The following PPP1R12A variants were observed in gnomAD, a reference collection of about 807,000 sequenced individuals.
PPP1R12A encodes the protein protein phosphatase 1 regulatory subunit 12A.
A neutral mutation model predicts 139.6 loss-of-function variants in PPP1R12A; 19 were observed. The ratio of observed to expected loss-of-function variants is 0.14; its 90% CI spans 0.09 to 0.20. The LOEUF (loss-of-function observed/expected upper bound fraction) is 0.20, where lower values mean the gene tolerates loss of function less well. Ranked by LOEUF, PPP1R12A falls within the 10% of genes least tolerant of loss-of-function variation. The pLI is 1.00. For synonymous variants in PPP1R12A, 427 were observed against 420.6 expected (o/e 1.02, Z -0.19); for missense variants, 925 against 1,211.5 (o/e 0.76, Z 3.51).
rs1016905524 is a variant in PPP1R12A at position 79,773,706 on chromosome 12, T to A, written c.*2223A>T. 2.0e-5 allele frequency: 3 copies of A among 152,194 alleles called. No homozygotes were observed. The highest frequency in any genetic ancestry group is 7.2e-5 in the African/African-American group (3 of 41,444). The allele number at this position is 152,194 out of a possible 1,614,324, so 9.4% of individuals were successfully genotyped here. A position where few individuals can be genotyped will look rare whatever the true frequency, so the allele number is the denominator to read the frequency against. ...GTGCAAATTATCACAATATTACAATTTCAGAAATTATTCAAATTGGTATCC... is the reference window on the plus strand; with the variant it reads ...GTGCAAATTATCACAATATTACAATATCAGAAATTATTCAAATTGGTATCC... On this transcript the variant is annotated 3_prime_UTR_variant, in exon 25 of 25. Coordinates refer to ENST00000450142, the MANE Select transcript of PPP1R12A (RefSeq NM_002480.3).
intron 3 of PPP1R12A, among the ~76,000 whole-genome samples, chr12:79,835,280 G>A (rs1877933398): frequency 6.6e-6 from 1 of 152,120 alleles, no homozygotes; most frequent in Non-Finnish European, 1.5e-5. Context: ...AGCTTCTAGG[G>A]CTTTGAACTT....
chr12:79,809,900 A>G lies in PPP1R12A; in HGVS notation c.1350T>C (p.Ala450=). ...GACCCTCTTTAGATGCTGTGATTTC[A>G]GCAAGTGCACCATAGCTGCCCGTCT... ...LRKTGSYGAL[A]EITASKEGQK... The change falls in exon 10 of 25, where the codon GCT becomes GCC. Residue 450 remains alanine (A), a synonymous_variant. Transcript: ENST00000450142. The G allele has an allele frequency of 6.2e-7, 1 of 1,613,606 alleles. No homozygotes were observed. The highest frequency in any genetic ancestry group is 1.1e-5 in the South Asian group (1 of 91,054).
At position 79,934,797 on chromosome 12, in the gene PPP1R12A, C is replaced by T; in HGVS notation, c.135G>A (p.Leu45=). 1 of 1,578,418 alleles carries T rather than the reference C, an allele frequency of 6.3e-7. No individual in the cohort carries two copies. Among genetic ancestry groups the T allele is most frequent in the Non-Finnish European group, 8.6e-7 (1 of 1,162,184 alleles). The change falls in exon 1 of 25, where the codon CTG becomes CTA. Residue 45 remains leucine, a synonymous_variant. Coordinates refer to ENST00000450142, the MANE Select transcript of PPP1R12A (RefSeq NM_002480.3). ...KVKFDDGAVF[L]AACSSGDTDE... ...CCGTGTCGCCGCTGGAGCAAGCAGCCAGGAAGACGGCGCCATCGTCGAACT... is the reference window on the plus strand; with the variant it reads ...CCGTGTCGCCGCTGGAGCAAGCAGCTAGGAAGACGGCGCCATCGTCGAACT...
At chr12:79,816,878 T>C (rs943794673) in intron 9 of PPP1R12A, among the ~76,000 whole-genome samples, 4 of 152,172 alleles carry the variant, frequency 2.6e-5, no homozygotes, top group Non-Finnish European at 4.4e-5. Context: ...TCAGAGATCA[T>C]GCTCCTACTG....
chr12:79,864,441 AG>A (rs1184004828), intron 2 of PPP1R12A, among the ~76,000 whole-genome samples: 1 of 152,238 alleles, frequency 6.6e-6, no homozygotes, highest in Non-Finnish European at 1.5e-5. Context: ...TAGAGAAACA[AG>A]AGCAAACAAA....
chr12:79,921,894 T>C (rs902776372), intron 1 of PPP1R12A, among the ~76,000 whole-genome samples: 7 of 152,230 alleles, frequency 4.6e-5, no homozygotes, highest in African/African-American at 1.7e-4. Context: ...ATTGCTTCTC[T>C]GAGTGAAATA....
At chr12:79,797,532 A>G in intron 15 of PPP1R12A, 137 bp from the exon 16 acceptor site, 1 of 753,824 alleles carries the variant, frequency 1.3e-6, no homozygotes, top group Non-Finnish European at 2.1e-6. Flanking sequence ...GCAAATGGAA[A>G]CAGCAAGTTA....
chr12:79,784,293 T>C (rs558672447), intron 22 of PPP1R12A, among the ~76,000 whole-genome samples: 15 of 152,324 alleles, frequency 9.8e-5, no homozygotes, highest in Admixed American at 5.2e-4. Context: ...TAACTCAGCA[T>C]ACTGGATGCG....
chr12:79,875,624 C>T (rs1042133930), intron 1 of PPP1R12A, among the ~76,000 whole-genome samples: 18 of 151,992 alleles, frequency 1.2e-4, no homozygotes, highest in Admixed American at 1.3e-4. Context: ...AATTTACACA[C>T]TGTCATCTTT....
intron 10 of PPP1R12A, among the ~76,000 whole-genome samples, chr12:79,809,057 T>C (rs2137067737): frequency 6.6e-6 from 1 of 151,978 alleles, no homozygotes; most frequent in South Asian, 2.1e-4. Flanking sequence ...TGGCTAAGAG[T>C]GTGTAGTGAC....
chr12:79,863,454 T>C (rs577980099), intron 2 of PPP1R12A, among the ~76,000 whole-genome samples: 1 of 152,156 alleles, frequency 6.6e-6, no homozygotes, highest in South Asian at 2.1e-4. Flanking sequence ...CAGGATCGAA[T>C]TCACACCTAA....
At chr12:79,793,027 T>A (rs1367836013) in intron 19 of PPP1R12A, among the ~76,000 whole-genome samples, 1 of 152,278 alleles carries the variant, frequency 6.6e-6, no homozygotes, top group East Asian at 1.9e-4. Context: ...TTACTGTAGA[T>A]CCTTGCTGAC....
Position 79,781,837 on chromosome 12 carries a change from G to A in PPP1R12A, c.2933C>T (p.Ser978Leu). The A allele has an allele frequency of 6.5e-7, 1 of 1,542,656 alleles. No homozygotes were observed. ...TACCCTTTTTTCCATTTCCAACAGT[G>A]ATCTATCAGCAAATCTTTCTTGTCT... Reference protein sequence around the residue: ...TQRQERFADRSLLEMEKRERR... With the variant: ...TQRQERFADRLLLEMEKRERR... Residue 978 changes from serine to leucine, a missense_variant, in exon 23 of 25, where the codon TCA (serine) becomes TTA (leucine). By Grantham distance (145) the Ser-to-Leu change is moderately radical. Around this residue, in one of 4 missense-constraint regions of PPP1R12A, gnomAD observed 315 missense variants for 363.4 expected, o/e 0.87. Coordinates refer to ENST00000450142, the MANE Select transcript of PPP1R12A (RefSeq NM_002480.3).
rs182423228 is a variant in PPP1R12A at position 79,868,730 on chromosome 12, G to C, written c.368+4078C>G. 3.9e-5 allele frequency among the ~76,000 whole-genome samples: 6 copies of C among 152,192 alleles called. No homozygotes were observed. In the East Asian group the frequency reaches 9.7e-4, roughly 25 times the overall value. ...TCATTTTAACTTAATCATCCCTTTA[G>C]AGGCCGCTTCTCCAAATAGAGTCAC... On this transcript the variant is annotated intron_variant, in intron 2 of 24. Coordinates refer to ENST00000450142, the MANE Select transcript of PPP1R12A (RefSeq NM_002480.3).
At chr12:79,888,269 A>G (rs2137410437) in intron 1 of PPP1R12A, among the ~76,000 whole-genome samples, 1 of 152,266 alleles carries the variant, frequency 6.6e-6, no homozygotes, top group East Asian at 1.9e-4. Flanking sequence ...TTTGGGGGAG[A>G]GGAGAAATCA....
chr12:79,920,946 T>C (rs1038999078), intron 1 of PPP1R12A, among the ~76,000 whole-genome samples: 8 of 152,246 alleles, frequency 5.3e-5, no homozygotes, highest in African/African-American at 1.9e-4. Context: ...AGTCATTACT[T>C]GTTCTCTTTT....
chr12:79,835,743 C>G (rs980440828), intron 3 of PPP1R12A, among the ~76,000 whole-genome samples: 1 of 152,168 alleles, frequency 6.6e-6, no homozygotes, highest in East Asian at 1.9e-4. Flanking sequence ...CCTTTTATGA[C>G]TTGGTCTCAG....
intron 23 of PPP1R12A, chr12:79,779,624 T>TA (rs1870171101): frequency 3.1e-6 from 1 of 319,834 alleles, no homozygotes; most frequent in African/African-American, 2.2e-5. Flanking sequence ...TACTAAATAA[T>TA]ACAGTCATGA....
intron 3 of PPP1R12A, among the ~76,000 whole-genome samples, chr12:79,837,315 TAGTC>T (rs1480132213): frequency 6.6e-6 from 1 of 152,154 alleles, no homozygotes; most frequent in Non-Finnish European, 1.5e-5. Context: ...GATTGGAATT[TAGTC>T]AGCAACAGAT....
Sources: allele counts gnomAD v4.1 joint callset (sites outside exome capture counted in the v4.1 genomes callset), GRCh38; gene constraint gnomAD v4.1.1; regional missense constraint gnomAD v4.1.1; transcripts MANE v1.5; gene names NCBI Gene and HGNC (gene_info 2026-07-23, HGNC 2026-07-21).